NDC80: variants seen among roughly 807,000 people sequenced by gnomAD.
NDC80 encodes kinetochore protein NDC80 homolog.
A neutral mutation model predicts 89.3 loss-of-function variants in NDC80; 69 were observed. The observed-to-expected ratio is 0.77, with a 90% CI of 0.64 to 0.94. NDC80 has a LOEUF of 0.94. Among genes scored for constraint, NDC80 ranks in the 40% least tolerant of loss-of-function variants. The pLI, the probability that NDC80 is intolerant of heterozygous loss-of-function variation, is 0.00. For synonymous variants in NDC80, 243 were observed against 255.6 expected (o/e 0.95, Z 0.47); for missense variants, 593 against 739.6 (o/e 0.80, Z 2.30).
rs78805937 is a variant in NDC80 at position 2,604,815 on chromosome 18, T to C, written c.1465-1600T>C. Among the ~76,000 whole-genome samples the C allele has an allele frequency of 1.4e-3, 214 of 152,312 alleles. 6 individuals are homozygous for C. The East Asian group carries it at 0.039, about 27-fold the overall frequency. On this transcript the variant is annotated intron_variant, in intron 13 of 16. Transcript: ENST00000261597. Reference sequence around the variant, plus strand: ...ACTGGTTGAATTTTTTTGTATTCTTTAGGCAGTAGAGATCAATGAAGATTT... The same window carrying C: ...ACTGGTTGAATTTTTTTGTATTCTTCAGGCAGTAGAGATCAATGAAGATTT...
intron 11 of NDC80, among the ~76,000 whole-genome samples, chr18:2,598,324 A>G (rs1405100710): frequency 6.6e-6 from 1 of 152,264 alleles, no homozygotes; most frequent in Non-Finnish European, 1.5e-5. Flanking sequence ...TATCTACTAT[A>G]TGCCAAGCAC....
At chr18:2,582,383 T>C (rs912845461) in intron 6 of NDC80, 2 of 152,148 alleles carry the variant, frequency 1.3e-5, no homozygotes, top group Non-Finnish European at 2.9e-5. Context: ...GGCCATGTAG[T>C]TTTCTTAATA....
chr18:2,611,615 A>AT (rs1386151654), intron 16 of NDC80, among the ~76,000 whole-genome samples: 3 of 152,134 alleles, frequency 2.0e-5, no homozygotes, highest in Non-Finnish European at 4.4e-5. Context: ...TATTTACCTC[A>AT]TCCCCACTCT....
intron 10 of NDC80, among the ~76,000 whole-genome samples, chr18:2,593,043 T>TGTGC: frequency 7.5e-6 from 1 of 133,512 alleles, no homozygotes; most frequent in East Asian, 2.0e-4. Context: ...TGTGTGTGTG[T>TGTGC]GTGTGTGTGT....
intron 16 of NDC80, among the ~76,000 whole-genome samples, chr18:2,613,232 C>T (rs934463430): frequency 2.6e-5 from 4 of 152,178 alleles, no homozygotes; most frequent in African/African-American, 9.6e-5. Flanking sequence ...GCTGGTTTTG[C>T]ACTACAGTGG....
At chr18:2,592,241 T>G (rs1313529101) in intron 10 of NDC80, among the ~76,000 whole-genome samples, 1 of 152,238 alleles carries the variant, frequency 6.6e-6, no homozygotes, top group East Asian at 1.9e-4. Context: ...ATTTTATAAC[T>G]GTTAATCTAA....
intron 14 of NDC80, among the ~76,000 whole-genome samples, chr18:2,607,137 T>A (rs1224042396): frequency 1.3e-5 from 2 of 152,168 alleles, no homozygotes; most frequent in Non-Finnish European, 2.9e-5. Flanking sequence ...TTTGCCTGTG[T>A]TATATTTAGG....
intron 16 of NDC80, 84 bp downstream of exon 16, chr18:2,610,945 A>C: frequency 1.2e-6 from 1 of 850,826 alleles, no homozygotes; most frequent in Non-Finnish European, 1.7e-6. Context: ...TATAAATTAA[A>C]TGATGAATTT....
intron 13 of NDC80, among the ~76,000 whole-genome samples, chr18:2,605,682 A>G (rs62086202): frequency 6.7e-6 from 1 of 149,598 alleles, no homozygotes; most frequent in African/African-American, 2.5e-5. Context: ...TTGAACCCCT[A>G]AATTTTTTTT....
chr18:2,604,939 A>G (rs540946935), intron 13 of NDC80, among the ~76,000 whole-genome samples: 6 of 152,320 alleles, frequency 3.9e-5, no homozygotes, highest in Non-Finnish European at 7.4e-5. Context: ...AGACCATGCA[A>G]TTAAGAGACC....
intron 13 of NDC80, among the ~76,000 whole-genome samples, chr18:2,604,532 A>G (rs1476631404): frequency 6.6e-6 from 1 of 152,196 alleles, no homozygotes; most frequent in Non-Finnish European, 1.5e-5. Flanking sequence ...AAATATAAAA[A>G]TTAGCTGGAT....
chr18:2,597,658 A>G (rs919910672), intron 11 of NDC80, among the ~76,000 whole-genome samples: 1 of 151,994 alleles, frequency 6.6e-6, no homozygotes, highest in African/African-American at 2.4e-5. Context: ...TTGAACCCGG[A>G]GGCGGAAGTT....
intron 5 of NDC80, 59 bp downstream of exon 5, chr18:2,578,200 A>G: frequency 6.8e-7 from 1 of 1,478,156 alleles, no homozygotes; most frequent in Non-Finnish European, 9.2e-7. Context: ...GAAACAAATT[A>G]AATCAATTTG....
intron 14 of NDC80, among the ~76,000 whole-genome samples, chr18:2,608,231 T>G (rs907595479): frequency 4.2e-4 from 64 of 151,240 alleles, no homozygotes; most frequent in African/African-American, 1.5e-3. Flanking sequence ...TTTGAGACAG[T>G]GTCTCGCTCT....
At chr18:2,607,167 C>T (rs950635837) in intron 14 of NDC80, among the ~76,000 whole-genome samples, 4 of 152,054 alleles carry the variant, frequency 2.6e-5, no homozygotes, top group African/African-American at 4.8e-5. Context: ...TTTTCTTAAA[C>T]GGTGTGAAAT....
At chr18:2,595,709 G>A in intron 11 of NDC80, 88 bp downstream of exon 11, 1 of 1,109,056 alleles carries the variant, frequency 9.0e-7, no homozygotes, top group Non-Finnish European at 1.3e-6. Flanking sequence ...AGTGGGTAGA[G>A]TAAATTGGCT....
chr18:2,576,059 A>G (rs1022175000), intron 3 of NDC80, among the ~76,000 whole-genome samples: 1 of 152,228 alleles, frequency 6.6e-6, no homozygotes, highest in African/African-American at 2.4e-5. Flanking sequence ...GGTTAGCACC[A>G]CTGCACTCCA....
intron 14 of NDC80, among the ~76,000 whole-genome samples, chr18:2,607,622 T>C (rs1231875965): frequency 6.6e-6 from 1 of 152,108 alleles, no homozygotes; most frequent in Non-Finnish European, 1.5e-5. Context: ...TTATTTAGTT[T>C]CTGCATCTTT....
intron 8 of NDC80, 65 bp from the exon 9 acceptor site, chr18:2,589,139 A>G: frequency 9.4e-7 from 1 of 1,059,588 alleles, no homozygotes; most frequent in Non-Finnish European, 1.5e-6. Context: ...GTAATGGTGA[A>G]AACTTGGGAA....
Sources: allele counts gnomAD v4.1 joint callset (sites outside exome capture counted in the v4.1 genomes callset), GRCh38; gene constraint gnomAD v4.1.1; transcripts MANE v1.5; gene names NCBI Gene and HGNC (gene_info 2026-07-23, HGNC 2026-07-21).